Variants in DPP10 observed in about 807,000 individuals in gnomAD.
The protein encoded by DPP10 is inactive dipeptidyl peptidase 10.
DPP10 carries 33 observed loss-of-function variants against 120.9 expected under a neutral mutation model. That is an observed-to-expected ratio of 0.27 (90% CI 0.21 to 0.37). The LOEUF is 0.37. Among genes scored for constraint, DPP10 ranks in the 10% least tolerant of loss-of-function variants. DPP10 has a pLI of 1.00. For missense variants in DPP10, 816 were observed against 942.8 expected (o/e 0.87, Z 1.76); for synonymous variants, 337 against 326.1 (o/e 1.03, Z -0.36).
intron 1 of DPP10, among the ~76,000 whole-genome samples, chr2:114,542,557 C>T (rs1338463445): frequency 2.0e-5 from 3 of 152,140 alleles, no homozygotes; most frequent in Non-Finnish European, 2.9e-5. Flanking sequence ...CAGTTTCTGC[C>T]CCTCTTATCC....
chr2:115,824,766 A>G (rs1688148736), intron 21 of DPP10, among the ~76,000 whole-genome samples: 1 of 152,236 alleles, frequency 6.6e-6, no homozygotes, highest in Admixed American at 6.5e-5. Flanking sequence ...ATCCATTCTA[A>G]TCAGTGTTCT....
At chr2:114,979,675 G>C (rs1699966860) in intron 1 of DPP10, among the ~76,000 whole-genome samples, 1 of 151,984 alleles carries the variant, frequency 6.6e-6, no homozygotes, top group Admixed American at 6.6e-5. Context: ...GATTTACTCA[G>C]GGTTCATTTT....
chr2:115,086,280 G>C (rs12995497), intron 1 of DPP10, among the ~76,000 whole-genome samples: 39,292 of 151,806 alleles, frequency 0.26, 5,480 homozygotes, highest in Middle Eastern at 0.32. Context: ...TGGTCTCTAC[G>C]ATCTTTTATC....
intron 1 of DPP10, among the ~76,000 whole-genome samples, chr2:115,249,057 C>T (rs944754400): frequency 3.9e-5 from 6 of 152,044 alleles, no homozygotes; most frequent in Non-Finnish European, 8.8e-5. Context: ...TTGAGATCTT[C>T]ATTATGCTGA....
At chr2:115,137,324 C>T (rs2050697742) in intron 1 of DPP10, among the ~76,000 whole-genome samples, 1 of 152,194 alleles carries the variant, frequency 6.6e-6, no homozygotes. Context: ...GCACATCCAT[C>T]TGACTGAGCC....
chr2:115,835,084 C>G (rs992230935), intron 21 of DPP10, among the ~76,000 whole-genome samples: 1 of 151,258 alleles, frequency 6.6e-6, no homozygotes, highest in South Asian at 2.1e-4. Flanking sequence ...TGAAGTGAGC[C>G]GAGATCGCAC....
At chr2:115,701,713 A>G (rs1335055623) in intron 7 of DPP10, among the ~76,000 whole-genome samples, 1 of 152,122 alleles carries the variant, frequency 6.6e-6, no homozygotes, top group Non-Finnish European at 1.5e-5. Context: ...GAAGAGGTTA[A>G]TATAGAGGAA....
At chr2:115,565,475 T>G (rs1314616016) in intron 5 of DPP10, among the ~76,000 whole-genome samples, 1 of 152,194 alleles carries the variant, frequency 6.6e-6, no homozygotes, top group Non-Finnish European at 1.5e-5. Context: ...TTAATGTACG[T>G]AAAATGTTAT....
chr2:115,062,726 CT>C (rs1706518764), intron 1 of DPP10, among the ~76,000 whole-genome samples: 1 of 152,124 alleles, frequency 6.6e-6, no homozygotes, highest in Non-Finnish European at 1.5e-5. Flanking sequence ...GATCTCATTC[CT>C]TTTTATGGCT....
intron 5 of DPP10, among the ~76,000 whole-genome samples, chr2:115,654,162 C>T (rs2088068138): frequency 6.6e-6 from 1 of 151,730 alleles, no homozygotes; most frequent in Admixed American, 6.6e-5. Flanking sequence ...CTTCCCCCAT[C>T]CCCTGCAGTG....
At chr2:114,990,509 T>C (rs1330581731) in intron 1 of DPP10, among the ~76,000 whole-genome samples, 5 of 152,202 alleles carry the variant, frequency 3.3e-5, no homozygotes, top group African/African-American at 1.2e-4. Flanking sequence ...TTTTCCATGT[T>C]ATATTTATCA....
At chr2:115,076,884 G>A (rs958165975) in intron 1 of DPP10, among the ~76,000 whole-genome samples, 1 of 152,180 alleles carries the variant, frequency 6.6e-6, no homozygotes, top group Non-Finnish European at 1.5e-5. Context: ...TCTTGCTGTA[G>A]ACTAAAATTG....
chr2:114,458,679 A>G (rs538076090), intron 1 of DPP10, among the ~76,000 whole-genome samples: 107 of 152,200 alleles, frequency 7.0e-4, no homozygotes, highest in Non-Finnish European at 1.3e-3. Flanking sequence ...AGATAGGATA[A>G]TAATGTTCTC....
At chr2:114,545,085 C>T (rs374431444) in intron 1 of DPP10, among the ~76,000 whole-genome samples, 32 of 152,108 alleles carry the variant, frequency 2.1e-4, no homozygotes, top group Middle Eastern at 3.4e-3. Flanking sequence ...CTCTTGACCT[C>T]GTGATCCGCC....
chr2:115,605,596 A>G (rs2083652763), intron 5 of DPP10, among the ~76,000 whole-genome samples: 1 of 152,114 alleles, frequency 6.6e-6, no homozygotes. Flanking sequence ...GTGGAAAGAA[A>G]GAAAAGGGAG....
At chr2:115,443,657 A>G (rs72959746) in intron 3 of DPP10, among the ~76,000 whole-genome samples, 2,511 of 152,310 alleles carry the variant, frequency 0.016, 69 homozygotes, top group African/African-American at 0.057. Flanking sequence ...GACAAGTAGC[A>G]TTAACATCAT....
At chr2:114,915,867 TAAATGC>T in intron 1 of DPP10, among the ~76,000 whole-genome samples, 1 of 152,260 alleles carries the variant, frequency 6.6e-6, no homozygotes, top group Middle Eastern at 3.4e-3. Context: ...TTTATAGCAT[TAAATGC>T]CTACATCAAA....
chr2:114,936,786 T>C (rs543326869), intron 1 of DPP10, among the ~76,000 whole-genome samples: 1 of 152,302 alleles, frequency 6.6e-6, no homozygotes, highest in Admixed American at 6.5e-5. Context: ...TGGCCATTCT[T>C]GTAGGAGTGA....
intron 7 of DPP10, among the ~76,000 whole-genome samples, chr2:115,709,685 G>A (rs2092254128): frequency 6.6e-6 from 1 of 151,736 alleles, no homozygotes; most frequent in Non-Finnish European, 1.5e-5. Context: ...AGAGTCTGTG[G>A]CACACAGATC....
Sources: allele counts gnomAD v4.1 joint callset (sites outside exome capture counted in the v4.1 genomes callset), GRCh38; gene constraint gnomAD v4.1.1; transcripts MANE v1.5; gene names NCBI Gene and HGNC (gene_info 2026-07-23, HGNC 2026-07-21).